The following USP32 variants were observed in gnomAD, a reference collection of about 807,000 sequenced individuals.
The protein encoded by USP32 is ubiquitin carboxyl-terminal hydrolase 32.
A neutral mutation model predicts 204.8 loss-of-function variants in USP32; 59 were observed. The ratio of observed to expected loss-of-function variants is 0.29; its 90% CI spans 0.23 to 0.36. The LOEUF is 0.36. Ranked by LOEUF, USP32 falls within the 10% of genes least tolerant of loss-of-function variation. The pLI is 1.00. For missense variants in USP32, 1,160 were observed against 1,946.4 expected, an observed-to-expected ratio of 0.60 and a Z score of 7.60; for synonymous variants, 517 against 678.4, an observed-to-expected ratio of 0.76 and a Z score of 3.70.
At chr17:60,373,795 G>T (rs1235140881) in intron 1 of USP32, among the ~76,000 whole-genome samples, 2 of 152,052 alleles carry the variant, frequency 1.3e-5, no homozygotes, top group African/African-American at 4.8e-5. Context: ...AATTTAACTT[G>T]TTGGCTCTTA....
At chr17:60,253,278 T>C (rs1243870856) in intron 10 of USP32, among the ~76,000 whole-genome samples, 3 of 152,192 alleles carry the variant, frequency 2.0e-5, no homozygotes, top group African/African-American at 7.2e-5. Flanking sequence ...GTACACTGAA[T>C]ATGTTCGTGT....
chr17:60,211,904 A>G (rs1273228339), intron 19 of USP32, 120 bp downstream of exon 19: 9 of 778,358 alleles, frequency 1.2e-5, no homozygotes, highest in Non-Finnish European at 1.8e-5. Context: ...GAAAAAGAAG[A>G]AGGCCCTAAT....
At chr17:60,191,848 T>C (rs2084390239) in intron 28 of USP32, among the ~76,000 whole-genome samples, 1 of 152,148 alleles carries the variant, frequency 6.6e-6, no homozygotes, top group Non-Finnish European at 1.5e-5. Flanking sequence ...TCTATTGCAG[T>C]TCTCTAAAGG....
At chr17:60,198,203 T>G in intron 27 of USP32, 57 bp downstream of exon 27, 1 of 1,579,988 alleles carries the variant, frequency 6.3e-7, no homozygotes, top group African/African-American at 1.4e-5. Flanking sequence ...AGAATTCATA[T>G]AGATTATTTT....
At position 60,421,205 on chromosome 17, in the gene USP32, A is replaced by G. The variant is rs2143138945; in HGVS notation, c.106+1041T>C. On this transcript the variant is annotated intron_variant, in intron 1 of 3. Coordinates refer to the USP32 transcript ENST00000588898. Reference sequence around the variant, plus strand: ...TTAATGATCAGAAAACAGACCTTCCATCTTGGAGGCGGATAAGTGGAAGGT... The same window carrying G: ...TTAATGATCAGAAAACAGACCTTCCGTCTTGGAGGCGGATAAGTGGAAGGT... 4 of 257,016 alleles carry G rather than the reference A, an allele frequency of 1.6e-5. No homozygotes were observed. In the South Asian group the frequency reaches 4.4e-4, roughly 28 times the overall value. 15.9% of individuals were successfully genotyped at this position (257,016 alleles called of 1,614,324 possible). A position where few individuals can be genotyped will look rare whatever the true frequency, so the allele number is the denominator to read the frequency against.
intron 9 of USP32, among the ~76,000 whole-genome samples, chr17:60,262,239 T>C (rs1011795313): frequency 6.6e-6 from 1 of 152,246 alleles, no homozygotes; most frequent in Non-Finnish European, 1.5e-5. Flanking sequence ...TTATTCAGGC[T>C]GGAGTGCAAT....
At position 60,355,202 on chromosome 17, in the gene USP32, CTG is replaced by C. The variant is rs1224446870; in HGVS notation, c.59-9596_59-9595del. ...CTGATTAAAAAAAAGAGCAGATACT[CTG>C]TGATTCCCCAAGTTCTAGAACAGGA... is the stretch of plus-strand genomic sequence containing the variant. On this transcript the variant is annotated intron_variant, in intron 1 of 33. Transcript: ENST00000300896. 9.9e-5 allele frequency among the ~76,000 whole-genome samples: 15 copies of C among 152,246 alleles called. No individual in the cohort carries two copies. The South Asian group carries it at 2.9e-3, about 29-fold the overall frequency.
chr17:60,392,773 G>A (rs2089864293), upstream of USP32: 1 of 305,790 alleles, frequency 3.3e-6, no homozygotes. Context: ...GAGGAAAGTG[G>A]ACCTTGTTAA....
chr17:60,268,871 G>T (rs1301463498), intron 7 of USP32, among the ~76,000 whole-genome samples: 2 of 152,046 alleles, frequency 1.3e-5, no homozygotes, highest in Non-Finnish European at 2.9e-5. Flanking sequence ...TGGAGATAAT[G>T]ACCCCAGTAA....
Position 60,265,956 on chromosome 17 carries a change from C to A in USP32, c.927+20G>T. 6.4e-7 allele frequency: 1 copy of A among 1,572,834 alleles called. No homozygotes were observed. Among genetic ancestry groups the A allele is most frequent in the African/African-American group, 1.3e-5 (1 of 74,126 alleles). On this transcript the variant is annotated intron_variant, in intron 8 of 33. Coordinates refer to ENST00000300896, the MANE Select transcript of USP32 (RefSeq NM_032582.4). ...CATTGGAAGTTTATACGCAACAAGACATACACAATCATAACTTACAGGAAT... is the reference window on the plus strand; with the variant it reads ...CATTGGAAGTTTATACGCAACAAGAAATACACAATCATAACTTACAGGAAT...
intron 27 of USP32, among the ~76,000 whole-genome samples, chr17:60,195,565 T>C (rs2084492708): frequency 6.6e-6 from 1 of 152,202 alleles, no homozygotes; most frequent in African/African-American, 2.4e-5. Context: ...CTTGAACTCC[T>C]GGCCTCAAGT....
rs771059801 is a variant in USP32 at position 60,226,021 on chromosome 17, G to A, written c.1432+18C>T. 7 of 1,580,838 alleles carry A rather than the reference G, an allele frequency of 4.4e-6. No individual in the cohort carries two copies. The highest frequency in any genetic ancestry group is 1.4e-5 in the African/African-American group (1 of 72,568). On this transcript the variant is annotated intron_variant, in intron 13 of 33. Transcript: ENST00000300896. ...GGGGAATAAACCAATAAACCTCAGG[G>A]GAATAGGTCATATTTACCGCTGCCA...
upstream of USP32, among the ~76,000 whole-genome samples, chr17:60,393,931 G>A (rs1305097078): frequency 6.6e-6 from 1 of 152,228 alleles, no homozygotes; most frequent in Non-Finnish European, 1.5e-5. Flanking sequence ...TGATCCGCCC[G>A]CCTCAGCCTC....
At chr17:60,386,494 A>G (rs2089733752) in intron 1 of USP32, among the ~76,000 whole-genome samples, 1 of 152,134 alleles carries the variant, frequency 6.6e-6, no homozygotes. Context: ...AATAATAATC[A>G]CTTCTCTAAC....
At chr17:60,192,650 C>A (rs777586839) in intron 28 of USP32, among the ~76,000 whole-genome samples, 194 bp downstream of exon 28, 2 of 152,098 alleles carry the variant, frequency 1.3e-5, no homozygotes, top group Non-Finnish European at 2.9e-5. Flanking sequence ...AGGCTGGTCT[C>A]CTGATCTCAG....
At chr17:60,274,625 GAA>G (rs2086798985) in intron 5 of USP32, among the ~76,000 whole-genome samples, 1 of 151,566 alleles carries the variant, frequency 6.6e-6, no homozygotes, top group Non-Finnish European at 1.5e-5. Flanking sequence ...TACTGAAAAA[GAA>G]AACAAAATTG....
chr17:60,234,552 C>A (rs926453668), intron 12 of USP32, among the ~76,000 whole-genome samples: 1 of 151,230 alleles, frequency 6.6e-6, no homozygotes, highest in East Asian at 2.0e-4. Flanking sequence ...ACAGTGAAGC[C>A]CCATCTCTAC....
At chr17:60,230,093 C>T (rs1365848820) in intron 12 of USP32, among the ~76,000 whole-genome samples, 1 of 152,242 alleles carries the variant, frequency 6.6e-6, no homozygotes, top group East Asian at 1.9e-4. Context: ...GGGTTACAGG[C>T]GTGAGTCACT....
Position 60,241,191 on chromosome 17 carries a change from G to A in USP32, c.1137-4951C>T, listed in dbSNP as rs546734560. Among the ~76,000 whole-genome samples the A allele has an allele frequency of 1.2e-4, 18 of 152,216 alleles. No individual in the cohort carries two copies. In the South Asian group the frequency reaches 3.7e-3, roughly 32 times the overall value. ...TTTTTGTATTTTTAGTACAGACGGG[G>A]TTCCATCATGTTGGCCAGGCTGGTC... On this transcript the variant is annotated intron_variant, in intron 11 of 33. Coordinates refer to ENST00000300896, the MANE Select transcript of USP32 (RefSeq NM_032582.4).
Sources: allele counts gnomAD v4.1 joint callset (sites outside exome capture counted in the v4.1 genomes callset), GRCh38; gene constraint gnomAD v4.1.1; transcripts MANE v1.5; gene names NCBI Gene and HGNC (gene_info 2026-07-23, HGNC 2026-07-21).